The following PKD2L2 variants were observed in gnomAD, a reference collection of about 807,000 sequenced individuals.
The protein encoded by PKD2L2 is polycystin-2-like protein 2.
A neutral mutation model predicts 83.9 loss-of-function variants in PKD2L2; 67 were observed. The ratio of observed to expected loss-of-function variants is 0.80; its 90% CI spans 0.66 to 0.98. The LOEUF (loss-of-function observed/expected upper bound fraction) is 0.98. Ranked by LOEUF, PKD2L2 falls within the 50% of genes least tolerant of loss-of-function variation. The probability of loss-of-function intolerance (pLI) is 0.00; values close to 1 mark genes in which losing one functional copy is unlikely to be tolerated. For synonymous variants in PKD2L2, 223 were observed against 237.8 expected, an observed-to-expected ratio of 0.94 and a Z score of 0.57; for missense variants, 632 against 717.2, an observed-to-expected ratio of 0.88 and a Z score of 1.36.
chr5:137,925,188 T>C (rs1759279816), intron 11 of PKD2L2, 84 bp downstream of exon 11: 3 of 807,422 alleles, frequency 3.7e-6, no homozygotes, highest in African/African-American at 1.7e-5. Flanking sequence ...TTTTTGTTTT[T>C]TGTTTGTTTG....
At chr5:137,889,746 C>T (rs1455603226) in intron 1 of PKD2L2, among the ~76,000 whole-genome samples, 1 of 152,136 alleles carries the variant, frequency 6.6e-6, no homozygotes, top group Non-Finnish European at 1.5e-5. Context: ...GCCGGAGGCT[C>T]GAGCTGGGCG....
At chr5:137,920,593 C>A (rs1309945150) in intron 8 of PKD2L2, among the ~76,000 whole-genome samples, 2 of 151,892 alleles carry the variant, frequency 1.3e-5, no homozygotes, top group African/African-American at 4.8e-5. Context: ...CCCATCTCTA[C>A]TAAAAATACA....
At chr5:137,893,582 A>G (rs1756182122) in intron 3 of PKD2L2, among the ~76,000 whole-genome samples, 1 of 152,172 alleles carries the variant, frequency 6.6e-6, no homozygotes, top group Admixed American at 6.5e-5. Flanking sequence ...AAGGAACAAT[A>G]TGTTCTATAA....
chr5:137,900,994 G>T (rs142572903), intron 5 of PKD2L2, among the ~76,000 whole-genome samples: 1 of 152,000 alleles, frequency 6.6e-6, no homozygotes, highest in Non-Finnish European at 1.5e-5. Flanking sequence ...AAAATTAGCC[G>T]GGCGTGGTGG....
chr5:137,916,388 GCTGGT>G (rs2150035714), intron 8 of PKD2L2, among the ~76,000 whole-genome samples: 1 of 151,882 alleles, frequency 6.6e-6, no homozygotes, highest in South Asian at 2.1e-4. Flanking sequence ...TGTTGGCCAG[GCTGGT>G]CTCAACCACC....
chr5:137,914,844 GTTGA>G (rs756477229), intron 8 of PKD2L2, among the ~76,000 whole-genome samples: 49 of 152,114 alleles, frequency 3.2e-4, no homozygotes, highest in East Asian at 2.3e-3. Context: ...CTGAAAATAC[GTTGA>G]TTATCAAAAT....
intron 5 of PKD2L2, 54 bp downstream of exon 5, chr5:137,899,791 T>C (rs1756800212): frequency 1.1e-6 from 1 of 918,050 alleles, no homozygotes; most frequent in Admixed American, 2.1e-5. Flanking sequence ...CTACAAAACT[T>C]CTTTATTAGT....
At chr5:137,912,805 C>CTTTTTT (rs1200762684) in intron 8 of PKD2L2, among the ~76,000 whole-genome samples, 1 of 124,410 alleles carries the variant, frequency 8.0e-6, no homozygotes, top group Non-Finnish European at 1.6e-5. Context: ...TTCTTTCTTT[C>CTTTTTT]TTTTTTTTTT....
chr5:137,921,823 A>T, intron 9 of PKD2L2, 67 bp downstream of exon 9: 1 of 1,177,172 alleles, frequency 8.5e-7, no homozygotes, highest in Non-Finnish European at 1.2e-6. Context: ...ACTCATTTAG[A>T]ATAAACTATT....
intron 5 of PKD2L2, among the ~76,000 whole-genome samples, chr5:137,904,366 T>C (rs1377329654): frequency 6.6e-6 from 1 of 152,066 alleles, no homozygotes; most frequent in African/African-American, 2.4e-5. Context: ...AAGATTCTGT[T>C]AGAAAAAAAT....
chr5:137,932,948 T>G (rs1258926294), intron 12 of PKD2L2, among the ~76,000 whole-genome samples: 2 of 150,920 alleles, frequency 1.3e-5, no homozygotes, highest in Non-Finnish European at 2.9e-5. Flanking sequence ...CTTCTGAGTA[T>G]GCCAAAAGCA....
chr5:137,931,404 G>C (rs1372398685), intron 12 of PKD2L2, among the ~76,000 whole-genome samples: 1 of 152,174 alleles, frequency 6.6e-6, no homozygotes, highest in Admixed American at 6.5e-5. Flanking sequence ...GCCAAAAACA[G>C]GAAATCTCAT....
rs1451647554 is a variant in PKD2L2, at chr5:137,921,807, A to T, written c.1449+51A>T. 3 of 1,321,066 alleles carry T rather than the reference A, an allele frequency of 2.3e-6. No homozygotes were observed. In the South Asian group the frequency reaches 3.9e-5, roughly 17 times the overall value. 81.8% of individuals were successfully genotyped at this position (1,321,066 alleles called of 1,614,324 possible). On this transcript the variant is annotated intron_variant, in intron 9 of 14. Coordinates refer to ENST00000508883, the MANE Select transcript of PKD2L2 (RefSeq NM_001300921.2). ...TTTCTTACTTTTTAGAATAAAAAGTAAAATTACTCATTTAGAATAAACTAT... is the reference window on the plus strand; with the variant it reads ...TTTCTTACTTTTTAGAATAAAAAGTTAAATTACTCATTTAGAATAAACTAT...
chr5:137,908,968 A>G, intron 8 of PKD2L2, 22 bp downstream of exon 8: 2 of 1,419,756 alleles, frequency 1.4e-6, no homozygotes, highest in South Asian at 2.5e-5. Flanking sequence ...GTATAAATGT[A>G]ATTATATCTT....
chr5:137,909,872 T>C (rs1757672681), intron 8 of PKD2L2, among the ~76,000 whole-genome samples: 2 of 152,074 alleles, frequency 1.3e-5, no homozygotes, highest in South Asian at 4.1e-4. Flanking sequence ...GAGGGCTCCA[T>C]CTTAATATTT....
At chr5:137,936,291 C>T in intron 13 of PKD2L2, 29 bp from the exon 14 acceptor site, 1 of 1,515,374 alleles carries the variant, frequency 6.6e-7, no homozygotes, top group Non-Finnish European at 8.9e-7. Context: ...ATTACTGACT[C>T]ATTCTCTACT....
chr5:137,910,723 G>A (rs1337162426), intron 8 of PKD2L2, among the ~76,000 whole-genome samples: 1 of 150,432 alleles, frequency 6.6e-6, no homozygotes, highest in Non-Finnish European at 1.5e-5. Context: ...AGGTTGCAGT[G>A]AGCCAAGATC....
chr5:137,919,290 C>G (rs1758676519), intron 8 of PKD2L2, among the ~76,000 whole-genome samples: 1 of 152,056 alleles, frequency 6.6e-6, no homozygotes, highest in Admixed American at 6.5e-5. Context: ...AAAAAAGAAA[C>G]AAAATGGATA....
chr5:137,914,356 C>T (rs1758132622), intron 8 of PKD2L2, among the ~76,000 whole-genome samples: 1 of 152,036 alleles, frequency 6.6e-6, no homozygotes, highest in Admixed American at 6.6e-5. Flanking sequence ...AAATTTTCAG[C>T]TTTGGAATGC....
Sources: allele counts gnomAD v4.1 joint callset (sites outside exome capture counted in the v4.1 genomes callset), GRCh38; gene constraint gnomAD v4.1.1; transcripts MANE v1.5; gene names NCBI Gene and HGNC (gene_info 2026-07-23, HGNC 2026-07-21).